KHDRBS3: variants seen among roughly 807,000 people sequenced by gnomAD.
The protein encoded by KHDRBS3 is KH domain-containing, RNA-binding, signal transduction-associated protein 3.
Under a neutral mutation model 45.6 loss-of-function variants are expected in KHDRBS3, and 23 were observed. The observed-to-expected ratio is 0.50, with a 90% CI of 0.36 to 0.72. The LOEUF is 0.72. Ranked by LOEUF, KHDRBS3 falls within the 30% of genes least tolerant of loss-of-function variation. The pLI is 0.00. For missense variants in KHDRBS3, 352 were observed against 424.8 expected (o/e 0.83, Z 1.51); for synonymous variants, 162 against 156.5 (o/e 1.04, Z -0.26).
chr8:135,496,394 G>A (rs1212854533), intron 1 of KHDRBS3, among the ~76,000 whole-genome samples: 3 of 151,712 alleles, frequency 2.0e-5, no homozygotes, highest in African/African-American at 4.8e-5. Flanking sequence ...CATGTCACCC[G>A]GCTAATTTTT....
At chr8:135,572,672 G>A (rs571433948) in intron 5 of KHDRBS3, among the ~76,000 whole-genome samples, 2 of 152,364 alleles carry the variant, frequency 1.3e-5, no homozygotes, top group South Asian at 2.1e-4. Context: ...AGGTCCTCAG[G>A]CGATGTGGAT....
At chr8:135,612,067 A>G (rs1408263693) in intron 7 of KHDRBS3, among the ~76,000 whole-genome samples, 1 of 151,786 alleles carries the variant, frequency 6.6e-6, no homozygotes, top group African/African-American at 2.4e-5. Context: ...CAAGTTTAAA[A>G]ATGTTATTCC....
At chr8:135,582,472 C>A (rs1422287147) in intron 6 of KHDRBS3, among the ~76,000 whole-genome samples, 5 of 152,210 alleles carry the variant, frequency 3.3e-5, no homozygotes. Flanking sequence ...TCCTTTTAAG[C>A]TACTCTGCTG....
intron 4 of KHDRBS3, among the ~76,000 whole-genome samples, chr8:135,655,804 T>C (rs1030108422): frequency 5.9e-5 from 9 of 152,236 alleles, no homozygotes; most frequent in African/African-American, 2.2e-4. Context: ...GTATGACACA[T>C]CAAAATAGGT....
At chr8:135,588,209 A>G (rs1463299639) in intron 6 of KHDRBS3, among the ~76,000 whole-genome samples, 3 of 152,160 alleles carry the variant, frequency 2.0e-5, no homozygotes, top group African/African-American at 7.2e-5. Context: ...CTTATGTTTG[A>G]TAATTTGTTA....
intron 2 of KHDRBS3, among the ~76,000 whole-genome samples, chr8:135,524,686 T>G (rs976961472): frequency 6.6e-5 from 10 of 152,002 alleles, no homozygotes; most frequent in African/African-American, 2.2e-4. Context: ...CACAAAAGTT[T>G]CTGTGGCTCT....
intron 1 of KHDRBS3, among the ~76,000 whole-genome samples, chr8:135,478,573 C>T (rs1171098845): frequency 6.6e-6 from 1 of 152,130 alleles, no homozygotes; most frequent in East Asian, 1.9e-4. Context: ...AGACCACATG[C>T]CAGTTCATAG....
intron 4 of KHDRBS3, among the ~76,000 whole-genome samples, chr8:135,550,386 A>G (rs1826529147): frequency 6.6e-6 from 1 of 152,196 alleles, no homozygotes; most frequent in Non-Finnish European, 1.5e-5. Flanking sequence ...CACTTAAAAT[A>G]CATTTTGAGT....
At chr8:135,601,382 G>T (rs766900045) in intron 6 of KHDRBS3, among the ~76,000 whole-genome samples, 3 of 152,160 alleles carry the variant, frequency 2.0e-5, no homozygotes, top group Non-Finnish European at 4.4e-5. Context: ...CATAACAAAG[G>T]TGTCATGGAC....
intron 5 of KHDRBS3, among the ~76,000 whole-genome samples, chr8:135,575,834 A>G (rs545771546): frequency 3.9e-5 from 6 of 152,336 alleles, no homozygotes; most frequent in Admixed American, 2.6e-4. Context: ...ACTATTATTG[A>G]CAATACTGGC....
intron 7 of KHDRBS3, among the ~76,000 whole-genome samples, chr8:135,617,311 A>C (rs1829960650): frequency 6.7e-6 from 1 of 149,528 alleles, no homozygotes; most frequent in Non-Finnish European, 1.5e-5. Context: ...ACAGAGTCTT[A>C]CTCTGTCTCA....
chr8:135,549,418 GA>G (rs1826473206), intron 4 of KHDRBS3: 1 of 152,176 alleles, frequency 6.6e-6, no homozygotes, highest in Non-Finnish European at 1.5e-5. Context: ...GCCCAGAGGG[GA>G]TGGGCTATTT....
intron 1 of KHDRBS3, among the ~76,000 whole-genome samples, chr8:135,487,634 TTTGAGA>T (rs1469249492): frequency 1.3e-5 from 2 of 152,058 alleles, no homozygotes; most frequent in Non-Finnish European, 1.5e-5. Context: ...GAATGGTACA[TTTGAGA>T]TTGTGTTGAA....
intron 2 of KHDRBS3, chr8:135,540,336 G>A (rs1450607432): frequency 5.9e-5 from 9 of 152,194 alleles, no homozygotes; most frequent in African/African-American, 1.4e-4. Context: ...GGGAAAACTC[G>A]AGAGCGCTCA....
intron 1 of KHDRBS3, among the ~76,000 whole-genome samples, chr8:135,476,524 A>G (rs1254153513): frequency 2.6e-5 from 4 of 152,160 alleles, no homozygotes; most frequent in Non-Finnish European, 4.4e-5. Flanking sequence ...TTCTCATCTT[A>G]ACACACTGCA....
intron 6 of KHDRBS3, among the ~76,000 whole-genome samples, chr8:135,589,557 TC>T (rs751097763): frequency 2.0e-5 from 3 of 152,218 alleles, no homozygotes; most frequent in Non-Finnish European, 4.4e-5. Context: ...TCTTATTTTG[TC>T]CATGCCAACT....
chr8:135,565,847 C>G (rs1317466207), intron 5 of KHDRBS3, among the ~76,000 whole-genome samples: 1 of 152,196 alleles, frequency 6.6e-6, no homozygotes, highest in African/African-American at 2.4e-5. Context: ...AAGAAGTCAC[C>G]TCATTCAGTT....
chr8:135,558,197 G>A (rs1019587963), intron 5 of KHDRBS3, among the ~76,000 whole-genome samples: 1 of 152,134 alleles, frequency 6.6e-6, no homozygotes, highest in Non-Finnish European at 1.5e-5. Context: ...AAGCTCTGTG[G>A]CATCTGTAAA....
intron 5 of KHDRBS3, among the ~76,000 whole-genome samples, chr8:135,578,027 A>G (rs1828026996): frequency 6.6e-6 from 1 of 152,206 alleles, no homozygotes; most frequent in South Asian, 2.1e-4. Context: ...CCATCTGTAG[A>G]TCTTCTTTGG....
Sources: allele counts gnomAD v4.1 joint callset (sites outside exome capture counted in the v4.1 genomes callset), GRCh38; gene constraint gnomAD v4.1.1; transcripts MANE v1.5; gene names NCBI Gene and HGNC (gene_info 2026-07-23, HGNC 2026-07-21).